NBN: variants seen among roughly 807,000 people sequenced by gnomAD.
NBN encodes the protein nibrin.
A neutral mutation model predicts 90.8 loss-of-function variants in NBN; 88 were observed. The observed-to-expected ratio is 0.97, with a 90% CI of 0.82 to 1.16. The LOEUF is 1.16. Among genes scored for constraint, NBN ranks in the 50% most tolerant of loss-of-function variants. NBN has a pLI of 0.00. For synonymous variants in NBN, 328 were observed against 295.1 expected, an observed-to-expected ratio of 1.11 and a Z score of -1.14; for missense variants, 894 against 869.6, an observed-to-expected ratio of 1.03 and a Z score of -0.35.
Position 89,933,679 on chromosome 8 carries a change from A to G in NBN, c.*1903T>C, listed in dbSNP as rs1344194356. ...TATAAAGTTTATATAATAGAGCAGA[A>G]TATCTGAAATCTTGGGGTTAAATTG... On this transcript the variant is annotated 3_prime_UTR_variant, in exon 16 of 16. Transcript: ENST00000265433. 1 of 232,344 alleles carries G rather than the reference A, an allele frequency of 4.3e-6. No individual in the cohort carries two copies. Among genetic ancestry groups the G allele is most frequent in the Non-Finnish European group, 8.5e-6 (1 of 117,624 alleles). The allele number at this position is 232,344 out of a possible 1,614,324, so 14.4% of individuals were successfully genotyped here. A position where few individuals can be genotyped will look rare whatever the true frequency, so the allele number is the denominator to read the frequency against.
chr8:89,958,591 T>C (rs939914665), intron 9 of NBN, 134 bp downstream of exon 9: 78 of 1,110,054 alleles, frequency 7.0e-5, no homozygotes, highest in Middle Eastern at 2.9e-4. Flanking sequence ...TCCTAAGATA[T>C]CATTTTCCCT....
At chr8:89,937,560 C>G (rs1039692226) in intron 14 of NBN, among the ~76,000 whole-genome samples, 2 of 152,214 alleles carry the variant, frequency 1.3e-5, no homozygotes, top group African/African-American at 4.8e-5. Flanking sequence ...TACAAACTCA[C>G]TAAACTTCTA....
rs1434468077 is a variant in NBN at position 89,984,581 on chromosome 8, T to G, written c.-20A>C. On this transcript the variant is annotated 5_prime_UTR_variant, in exon 1 of 16. Transcript: ENST00000265433. Reference sequence around the variant, plus strand: ...CCACATCGGTCCGGCTCCTCAGGGCTGGGGCCGACGTGCAACCGCGTAACC... The same window carrying G: ...CCACATCGGTCCGGCTCCTCAGGGCGGGGGCCGACGTGCAACCGCGTAACC... 6.2e-7 allele frequency: 1 copy of G among 1,612,460 alleles called. No individual in the cohort carries two copies. Among genetic ancestry groups the G allele is most frequent in the Non-Finnish European group, 8.5e-7 (1 of 1,179,592 alleles).
chr8:89,973,399 C>T (rs988879497), intron 5 of NBN, among the ~76,000 whole-genome samples: 2 of 152,090 alleles, frequency 1.3e-5, no homozygotes, highest in Non-Finnish European at 2.9e-5. Context: ...TAAATTTGAG[C>T]CCCAATACTT....
At chr8:89,949,171 G>A (rs963901974) in intron 11 of NBN, among the ~76,000 whole-genome samples, 3 of 152,190 alleles carry the variant, frequency 2.0e-5, no homozygotes, top group Non-Finnish European at 4.4e-5. Context: ...TCAGTCAGAA[G>A]AGCATGGCAG....
intron 8 of NBN, among the ~76,000 whole-genome samples, chr8:89,962,501 A>C (rs1395496866): frequency 6.6e-6 from 1 of 152,230 alleles, no homozygotes; most frequent in African/African-American, 2.4e-5. Context: ...ACAAGGAAGC[A>C]GTAGTTTCTC....
chr8:89,947,797 T>C lies in NBN; in HGVS notation c.1914+27A>G, dbSNP rs2129659081. The stretch of plus-strand genomic sequence containing the variant: ...TGACAGTCCCCGTAAGCCAAATCTG[T>C]ATAAAAATTAATAAAACGTTTCTCA... On this transcript the variant is annotated intron_variant, in intron 12 of 15. Transcript: ENST00000265433. 1 of 1,384,502 alleles carries C rather than the reference T, an allele frequency of 7.2e-7. No individual in the cohort carries two copies. The highest frequency in any genetic ancestry group is 2.4e-5 in the East Asian group (1 of 42,228). The allele number at this position is 1,384,502 out of a possible 1,614,324, so 85.8% of individuals were successfully genotyped here.
intron 7 of NBN, among the ~76,000 whole-genome samples, chr8:89,968,884 A>C (rs1811373469): frequency 6.6e-6 from 1 of 152,166 alleles, no homozygotes; most frequent in African/African-American, 2.4e-5. Context: ...AACTACAGTA[A>C]ATTTGTGTTG....
At chr8:89,943,114 C>G (rs1810023740) in intron 14 of NBN, 139 bp downstream of exon 14, 1 of 796,468 alleles carries the variant, frequency 1.3e-6, no homozygotes, top group South Asian at 1.4e-5. Flanking sequence ...GATTAATGCT[C>G]TGTAACTCAG....
chr8:89,972,703 T>C (rs1426543477), intron 5 of NBN, among the ~76,000 whole-genome samples: 1 of 152,224 alleles, frequency 6.6e-6, no homozygotes, highest in Non-Finnish European at 1.5e-5. Flanking sequence ...ACTAACACTT[T>C]ACTTATATAC....
rs997483678 is a variant in NBN at position 89,933,462 on chromosome 8, A to G, written c.*2120T>C. 41 of 229,354 alleles carry G rather than the reference A, an allele frequency of 1.8e-4. No homozygotes were observed. Among genetic ancestry groups the G allele is most frequent in the African/African-American group, 8.9e-4 (40 of 45,112 alleles). The allele number at this position is 229,354 out of a possible 1,614,324, so 14.2% of individuals were successfully genotyped here. A position where few individuals can be genotyped will look rare whatever the true frequency, so the allele number is the denominator to read the frequency against. ...AAACATTTCAGTGTAACCAAACAGA[A>G]AGTCCAGAAACAGATCCACCATTAT... On this transcript the variant is annotated 3_prime_UTR_variant, in exon 16 of 16. Coordinates refer to ENST00000265433, the MANE Select transcript of NBN (RefSeq NM_002485.5).
At chr8:89,979,669 A>T (rs955524656) in intron 4 of NBN, among the ~76,000 whole-genome samples, 1 of 152,150 alleles carries the variant, frequency 6.6e-6, no homozygotes, top group Non-Finnish European at 1.5e-5. Flanking sequence ...AAAAAATATA[A>T]CAACAAGGTT....
At chr8:89,978,466 A>C (rs1364319560) in intron 4 of NBN, 143 bp from the exon 5 acceptor site, 2 of 649,886 alleles carry the variant, frequency 3.1e-6, no homozygotes, top group Non-Finnish European at 5.2e-6. Flanking sequence ...TTTATAAAGA[A>C]GCCACAATCT....
At position 89,933,417 on chromosome 8, in the gene NBN, G is replaced by A. The variant is rs1809526280; in HGVS notation, c.*2165C>T. On this transcript the variant is annotated 3_prime_UTR_variant, in exon 16 of 16. Coordinates refer to ENST00000265433, the MANE Select transcript of NBN (RefSeq NM_002485.5). The stretch of plus-strand genomic sequence containing the variant: ...ACAGTAATTCAAGGCAGTATGGTAT[G>A]AGTGAGTGCAAGGATGGACAAACAT... 1.8e-5 allele frequency: 4 copies of A among 227,794 alleles called. No individual in the cohort carries two copies. In the South Asian group the frequency reaches 7.3e-4, roughly 42 times the overall value. 14.1% of individuals were successfully genotyped at this position (227,794 alleles called of 1,614,324 possible).
intron 8 of NBN, among the ~76,000 whole-genome samples, chr8:89,962,368 T>C (rs1272474019): frequency 2.6e-5 from 4 of 152,178 alleles, no homozygotes; most frequent in Admixed American, 6.5e-5. Flanking sequence ...TTTTATATGT[T>C]TGTTGTAATT....
At chr8:89,938,489 T>C (rs964599987) in intron 14 of NBN, among the ~76,000 whole-genome samples, 6 of 152,174 alleles carry the variant, frequency 3.9e-5, no homozygotes, top group Non-Finnish European at 8.8e-5. Flanking sequence ...TATATATATA[T>C]ATGAAATCTC....
chr8:89,974,582 T>G (rs1180093738), intron 5 of NBN, among the ~76,000 whole-genome samples: 4 of 152,120 alleles, frequency 2.6e-5, no homozygotes, highest in Non-Finnish European at 4.4e-5. Context: ...CCCAGTATGT[T>G]TGCTGCAGGT....
intron 11 of NBN, among the ~76,000 whole-genome samples, chr8:89,950,392 T>C (rs1376676939): frequency 6.6e-6 from 1 of 152,216 alleles, no homozygotes; most frequent in Non-Finnish European, 1.5e-5. Context: ...TAAGTAGTTG[T>C]TATATTGCAT....
chr8:89,980,557 G>C (rs899924658), intron 4 of NBN, among the ~76,000 whole-genome samples, 177 bp downstream of exon 4: 1 of 151,578 alleles, frequency 6.6e-6, no homozygotes, highest in Non-Finnish European at 1.5e-5. Flanking sequence ...TAATAAACAG[G>C]TTATATGAAA....
Sources: gnomAD v4.1 joint callset for allele counts (sites outside exome capture counted in the v4.1 genomes callset) on GRCh38, gnomAD v4.1.1 for gene constraint, MANE v1.5 for transcripts, NCBI Gene and HGNC (gene_info 2026-07-23, HGNC 2026-07-21) for gene names.